The following FAM114A2 variants were observed in gnomAD, a reference collection of about 807,000 sequenced individuals.
The protein encoded by FAM114A2 is family with sequence similarity 114 member A2.
Under a neutral mutation model 58.4 loss-of-function variants are expected in FAM114A2, and 53 were observed. The observed-to-expected ratio is 0.91, with a 90% CI of 0.73 to 1.14. The LOEUF is 1.14. FAM114A2 is among the 50% of genes most tolerant of loss of function. The pLI, the probability that FAM114A2 is intolerant of heterozygous loss-of-function variation, is 0.00. For missense variants in FAM114A2, 601 were observed against 581.1 expected, an observed-to-expected ratio of 1.03 and a Z score of -0.35; for synonymous variants, 228 against 211.4, an observed-to-expected ratio of 1.08 and a Z score of -0.68.
At position 153,998,953 on chromosome 5, in the gene FAM114A2, G is replaced by A. The variant is rs1200679356; in HGVS notation, c.1257-1078C>T. The stretch of plus-strand genomic sequence containing the variant: ...AGTAAGAAAAACAAAAACATATGCT[G>A]AGGCAGCTAAATCTACAATAAGAAT... On this transcript the variant is annotated intron_variant, in intron 11 of 13. Coordinates refer to ENST00000351797, the MANE Select transcript of FAM114A2 (RefSeq NM_018691.4). Among the ~76,000 whole-genome samples the A allele has an allele frequency of 2.0e-5, 3 of 152,220 alleles. No individual in the cohort carries two copies. In the East Asian group the frequency reaches 5.8e-4, roughly 29 times the overall value.
Position 154,028,231 on chromosome 5 carries a change from T to C in FAM114A2, c.548A>G (p.Lys183Arg). 6.2e-7 allele frequency: 1 copy of C among 1,610,284 alleles called. No homozygotes were observed. The highest frequency in any genetic ancestry group is 8.5e-7 in the Non-Finnish European group (1 of 1,176,776). The part of the protein sequence containing the change: ...GLDALEFIGK[K>R]TMDVIAEGDP... ...CCCTTCTGCTATCACATCCATTGTCTTTTTTCCAATGAATTCTAAGGCATC... is the reference window on the plus strand; with the variant it reads ...CCCTTCTGCTATCACATCCATTGTCCTTTTTCCAATGAATTCTAAGGCATC... Residue 183 changes from lysine to arginine, a missense_variant, in exon 6 of 14, where the codon AAG (lysine) becomes AGG (arginine). Lys to Arg is a conservative substitution (Grantham distance 26). Coordinates refer to ENST00000351797, the MANE Select transcript of FAM114A2 (RefSeq NM_018691.4).
intron 5 of FAM114A2, among the ~76,000 whole-genome samples, chr5:154,029,042 A>T (rs889875256): frequency 6.6e-6 from 1 of 152,250 alleles, no homozygotes; most frequent in African/African-American, 2.4e-5. Flanking sequence ...ATCCTCATGT[A>T]GCAAAGATAT....
intron 4 of FAM114A2, among the ~76,000 whole-genome samples, chr5:154,030,315 G>T (rs888316546): frequency 1.3e-5 from 2 of 152,086 alleles, no homozygotes; most frequent in South Asian, 4.1e-4. Flanking sequence ...ATTTCACATA[G>T]GAGAACAACC....
chr5:154,034,982 G>GT lies in FAM114A2; in HGVS notation c.-14-16_-14-15insA. 1.3e-6 allele frequency: 2 copies of GT among 1,505,474 alleles called. No homozygotes were observed. The highest frequency in any genetic ancestry group is 2.4e-5 in the South Asian group (2 of 83,670). 93.3% of individuals were successfully genotyped at this position (1,505,474 alleles called of 1,614,324 possible). On this transcript the variant is annotated splice_polypyrimidine_tract_variant and intron_variant, in intron 1 of 13. Transcript: ENST00000351797. ...TAGAACATCAGCTGGTAAAATGAAA[G>GT]CCCAAAAAAAATTTATATAGGCTTC...
intron 8 of FAM114A2, among the ~76,000 whole-genome samples, chr5:154,020,607 A>G (rs1269035486): frequency 6.6e-6 from 1 of 152,210 alleles, no homozygotes; most frequent in Non-Finnish European, 1.5e-5. Context: ...AAGAAGTTGA[A>G]TCTCTGAACA....
chr5:154,002,233 A>T lies in FAM114A2; in HGVS notation c.1256+18T>A. ...TCCTGCAATTTGCATCATTTAGAGG[A>T]ATTCTCATTACACTTACTGGGAAAG... On this transcript the variant is annotated intron_variant, in intron 11 of 13. Coordinates refer to ENST00000351797, the MANE Select transcript of FAM114A2 (RefSeq NM_018691.4). The T allele has an allele frequency of 1.2e-6, 2 of 1,609,706 alleles. No individual in the cohort carries two copies. The highest frequency in any genetic ancestry group is 2.2e-5 in the South Asian group (2 of 90,942).
chr5:154,026,405 T>TC lies in FAM114A2; in HGVS notation c.906dup (p.Lys303GlufsTer5). The TC allele has an allele frequency of 6.4e-7, 1 of 1,570,432 alleles. No homozygotes were observed. The highest frequency in any genetic ancestry group is 8.6e-7 in the Non-Finnish European group (1 of 1,162,226). On this transcript the variant is annotated frameshift_variant, in exon 8 of 14. Coordinates refer to ENST00000351797, the MANE Select transcript of FAM114A2 (RefSeq NM_018691.4). LOFTEE classifies it high-confidence loss of function. ...TACTAAATTTTCATATTACCTTTTT[T>TC]CTCTTCTTCCTCTTCTTCACAAAAT...
intron 9 of FAM114A2, among the ~76,000 whole-genome samples, chr5:154,003,376 G>A (rs961982780): frequency 1.5e-4 from 22 of 151,668 alleles, no homozygotes; most frequent in African/African-American, 4.1e-4. Flanking sequence ...ACGGGGTTTC[G>A]CCAGGTTGAC....
Position 153,992,909 on chromosome 5 carries a change from A to T in FAM114A2, c.*67T>A. 7.0e-7 allele frequency: 1 copy of T among 1,438,806 alleles called. No homozygotes were observed. The highest frequency in any genetic ancestry group is 1.3e-5 in the South Asian group (1 of 77,374). The allele number at this position is 1,438,806 out of a possible 1,614,324, so 89.1% of individuals were successfully genotyped here. A position where few individuals can be genotyped will look rare whatever the true frequency, so the allele number is the denominator to read the frequency against. ...AATAACCCCACTCCTTCATTTCTGCAGGAGTAGCCAGAATAAGGTGGCATT... is the reference window on the plus strand; with the variant it reads ...AATAACCCCACTCCTTCATTTCTGCTGGAGTAGCCAGAATAAGGTGGCATT... On this transcript the variant is annotated 3_prime_UTR_variant, in exon 14 of 14. Transcript: ENST00000351797.
intron 8 of FAM114A2, among the ~76,000 whole-genome samples, chr5:154,013,226 G>A (rs1030639497): frequency 6.6e-6 from 1 of 152,182 alleles, no homozygotes; most frequent in African/African-American, 2.4e-5. Context: ...AAAAGAGACT[G>A]GTTTAGTGCT....
intron 4 of FAM114A2, 69 bp from the exon 5 acceptor site, chr5:154,029,649 A>T: frequency 1.2e-6 from 1 of 842,852 alleles, no homozygotes; most frequent in Non-Finnish European, 2.0e-6. Context: ...ATTAGCATCT[A>T]TGTGAATTTT....
intron 8 of FAM114A2, among the ~76,000 whole-genome samples, chr5:154,020,961 C>T (rs2113397781): frequency 6.6e-6 from 1 of 152,248 alleles, no homozygotes; most frequent in South Asian, 2.1e-4. Context: ...ATCAAGTTGG[C>T]TTTATCCCTG....
rs773016496 is a variant in FAM114A2, at chr5:154,028,197, T to C, written c.582A>G (p.Gly194=). ...TCATCAGACCCTTGGTTCTTTTAAA[T>C]CCAGGATCCCCTTCTGCTATCACAT... ...TMDVIAEGDP[G]FKRTKGLMNR... Residue 194 remains glycine, a synonymous_variant, in exon 6 of 14, where the codon GGA becomes GGG. Transcript: ENST00000351797. 1 of 1,612,782 alleles carries C rather than the reference T, an allele frequency of 6.2e-7. No homozygotes were observed. Among genetic ancestry groups the C allele is most frequent in the East Asian group, 2.2e-5 (1 of 44,848 alleles).
intron 11 of FAM114A2, 87 bp from the exon 12 acceptor site, chr5:153,997,962 A>T: frequency 2.6e-6 from 2 of 762,442 alleles, no homozygotes; most frequent in Non-Finnish European, 4.4e-6. Flanking sequence ...AGAACAAATC[A>T]CTTCTGGTAC....
chr5:154,027,276 T>C lies in FAM114A2; in HGVS notation c.689A>G (p.Glu230Gly), dbSNP rs1243539045. 1 of 1,613,710 alleles carries C rather than the reference T, an allele frequency of 6.2e-7. No homozygotes were observed. The highest frequency in any genetic ancestry group is 2.2e-5 in the East Asian group (1 of 44,866). Residue 230 changes from glutamate to glycine, a missense_variant, in exon 7 of 14, where the codon GAA becomes GGA. By Grantham distance (98) the Glu-to-Gly change is moderately conservative (BLOSUM62 -2). Coordinates refer to ENST00000351797, the MANE Select transcript of FAM114A2 (RefSeq NM_018691.4). Reference protein sequence around the residue: ...EIRTSNEVTVETDKKTHYGLL... With the variant: ...EIRTSNEVTVGTDKKTHYGLL... ...CCCATAATGAGTTTTCTTGTCTGTT[T>C]CCACGGTAACCTCATTGGAGGTCCG...
At chr5:153,999,882 TAA>T (rs1363808175) in intron 11 of FAM114A2, among the ~76,000 whole-genome samples, 1 of 152,152 alleles carries the variant, frequency 6.6e-6, no homozygotes, top group Non-Finnish European at 1.5e-5. Context: ...AGAATTAACC[TAA>T]GTCAGTTGAA....
chr5:154,023,469 C>G (rs1018048386), intron 8 of FAM114A2, among the ~76,000 whole-genome samples: 4 of 152,064 alleles, frequency 2.6e-5, no homozygotes, highest in African/African-American at 7.2e-5. Flanking sequence ...TTAATGCATT[C>G]GCAGCGACCT....
intron 8 of FAM114A2, among the ~76,000 whole-genome samples, chr5:154,013,878 T>C (rs1464611291): frequency 1.3e-5 from 2 of 152,228 alleles, no homozygotes; most frequent in East Asian, 1.9e-4. Flanking sequence ...AACAGCTACA[T>C]TTATTGAGTG....
intron 9 of FAM114A2, among the ~76,000 whole-genome samples, chr5:154,007,852 C>T (rs534565859): frequency 1.3e-5 from 2 of 152,244 alleles, no homozygotes; most frequent in South Asian, 2.1e-4. Flanking sequence ...TGTGTGAACA[C>T]ATTTAAACCT....
Sources: gnomAD v4.1 joint callset for allele counts (sites outside exome capture counted in the v4.1 genomes callset) on GRCh38, gnomAD v4.1.1 for gene constraint, MANE v1.5 for transcripts, NCBI Gene and HGNC (gene_info 2026-07-23, HGNC 2026-07-21) for gene names.